The following NAA16 variants were observed in gnomAD, a reference collection of about 807,000 sequenced individuals.
NAA16 encodes the protein NARG1-like protein.
A neutral mutation model predicts 110.3 loss-of-function variants in NAA16; 97 were observed. The observed-to-expected ratio is 0.88, with a 90% confidence interval of 0.75 to 1.04. NAA16 has a LOEUF of 1.04. NAA16 is among the 50% of genes least tolerant of loss of function. The pLI is 0.00. For missense variants in NAA16, 1,017 were observed against 1,005.1 expected, an observed-to-expected ratio of 1.01 and a Z score of -0.16; for synonymous variants, 372 against 330.6, an observed-to-expected ratio of 1.13 and a Z score of -1.36.
At chr13:41,350,443 G>A (rs1273220861) in intron 9 of NAA16, among the ~76,000 whole-genome samples, 8 of 151,538 alleles carry the variant, frequency 5.3e-5, no homozygotes. Context: ...ACAGGCGCCC[G>A]CCACCATACC....
rs1162246909 is a variant in NAA16 at position 41,373,651 on chromosome 13, A to G, written c.2170A>G (p.Asn724Asp). The G allele has an allele frequency of 6.2e-7, 1 of 1,601,110 alleles. No individual in the cohort carries two copies. The highest frequency in any genetic ancestry group is 8.5e-7 in the Non-Finnish European group (1 of 1,174,840). ...RFSKSVSNHS[N>D]LPDIVSKVLS... is the part of the protein sequence containing the mutation. ...TGTTTTTATAGTGTCTAATCATAGT[A>G]ATCTTCCAGACATTGTGAGCAAAGT... is the stretch of plus-strand genomic sequence containing the variant. Residue 724 changes from asparagine to aspartate, a missense_variant, in exon 18 of 20, where the codon AAT (asparagine) becomes GAT (aspartate). By Grantham distance (23) the Asn-to-Asp change is conservative (BLOSUM62 1). Transcript: ENST00000379406.
chr13:41,360,467 C>A (rs536785856), intron 12 of NAA16, among the ~76,000 whole-genome samples: 1 of 152,262 alleles, frequency 6.6e-6, no homozygotes, highest in South Asian at 2.1e-4. Context: ...CCCAGTGACA[C>A]TGGGATGCGT....
intron 14 of NAA16, among the ~76,000 whole-genome samples, chr13:41,368,612 A>C (rs2043253116): frequency 6.6e-6 from 1 of 152,226 alleles, no homozygotes; most frequent in Non-Finnish European, 1.5e-5. Flanking sequence ...AAAAGTATAC[A>C]GCTGGCCCTC....
intron 9 of NAA16, among the ~76,000 whole-genome samples, chr13:41,339,838 T>G (rs985540227): frequency 6.6e-6 from 1 of 152,104 alleles, no homozygotes; most frequent in Non-Finnish European, 1.5e-5. Context: ...GGATTACAGG[T>G]GTGAGCCACT....
intron 9 of NAA16, among the ~76,000 whole-genome samples, chr13:41,343,957 C>T (rs1006273236): frequency 6.6e-6 from 1 of 152,186 alleles, no homozygotes; most frequent in Non-Finnish European, 1.5e-5. Flanking sequence ...TAGGTGTGAA[C>T]CTACACCCAC....
At chr13:41,317,129 A>G (rs568359684) in intron 2 of NAA16, among the ~76,000 whole-genome samples, 199 bp downstream of exon 2, 1 of 152,240 alleles carries the variant, frequency 6.6e-6, no homozygotes, top group African/African-American at 2.4e-5. Context: ...CTTAAGGATA[A>G]GATTAGGATG....
chr13:41,328,152 G>A (rs1593433710), intron 6 of NAA16: 1 of 152,024 alleles, frequency 6.6e-6, no homozygotes, highest in South Asian at 2.1e-4. Context: ...CTCTTAATTT[G>A]TGTGGCTTAG....
At chr13:41,314,270 GATT>G (rs1325288907) in intron 1 of NAA16, among the ~76,000 whole-genome samples, 2 of 152,086 alleles carry the variant, frequency 1.3e-5, no homozygotes, top group African/African-American at 4.8e-5. Flanking sequence ...TTGGCAGTAT[GATT>G]ATTATTATTT....
intron 9 of NAA16, among the ~76,000 whole-genome samples, chr13:41,347,214 CAA>C (rs76747459): frequency 5.8e-4 from 32 of 55,276 alleles, no homozygotes; most frequent in Admixed American, 1.0e-3. Flanking sequence ...GACTCCGTCT[CAA>C]AAAAAAAAAA....
At chr13:41,362,485 C>G (rs1354186167) in intron 13 of NAA16, 3 of 351,490 alleles carry the variant, frequency 8.5e-6, no homozygotes, top group South Asian at 2.4e-5. Context: ...TAAGAGGACA[C>G]ACAGCTGATG....
intron 15 of NAA16, 39 bp from the exon 16 acceptor site, chr13:41,372,164 G>C: frequency 6.9e-7 from 1 of 1,443,876 alleles, no homozygotes; most frequent in South Asian, 1.4e-5. Flanking sequence ...GACTTGTTCT[G>C]ATGTTTTTTA....
intron 12 of NAA16, among the ~76,000 whole-genome samples, chr13:41,359,418 C>G (rs2043065790): frequency 6.6e-6 from 1 of 152,170 alleles, no homozygotes; most frequent in Non-Finnish European, 1.5e-5. Context: ...GCTACACATC[C>G]ATCCCTTTTC....
At chr13:41,335,748 A>G (rs753297311) in intron 8 of NAA16, among the ~76,000 whole-genome samples, 8 of 152,228 alleles carry the variant, frequency 5.3e-5, no homozygotes, top group Non-Finnish European at 1.0e-4. Flanking sequence ...AAATAAAAAT[A>G]ACCATTTTGG....
At chr13:41,340,021 T>C (rs2042493688) in intron 9 of NAA16, among the ~76,000 whole-genome samples, 1 of 152,160 alleles carries the variant, frequency 6.6e-6, no homozygotes, top group Non-Finnish European at 1.5e-5. Flanking sequence ...AACTCTGATA[T>C]CAAGGTGTTC....
chr13:41,341,456 GC>G (rs2042544207), intron 9 of NAA16, among the ~76,000 whole-genome samples: 2 of 152,300 alleles, frequency 1.3e-5, no homozygotes, highest in African/African-American at 4.8e-5. Context: ...GGTGGCTCAT[GC>G]CTGTAATCCA....
At chr13:41,371,177 C>CCAAA (rs1440695155) in intron 15 of NAA16, among the ~76,000 whole-genome samples, 1 of 152,176 alleles carries the variant, frequency 6.6e-6, no homozygotes, top group African/African-American at 2.4e-5. Context: ...ATGAGTGCTT[C>CCAAA]CAAACCATTG....
intron 1 of NAA16, among the ~76,000 whole-genome samples, chr13:41,315,036 T>C (rs542969152): frequency 6.6e-6 from 1 of 152,200 alleles, no homozygotes; most frequent in South Asian, 2.1e-4. Context: ...GTTCTAAGGA[T>C]CCATTATATG....
chr13:41,372,356 G>T (rs751422262), intron 16 of NAA16, 45 bp downstream of exon 16: 3 of 1,542,682 alleles, frequency 1.9e-6, no homozygotes, highest in East Asian at 2.4e-5. Context: ...AATTATATTT[G>T]TGACCATATT....
chr13:41,374,331 T>A (rs558150173), intron 18 of NAA16: 137 of 154,966 alleles, frequency 8.8e-4, no homozygotes, highest in African/African-American at 3.1e-3. Flanking sequence ...AATTTATTCC[T>A]TAGATGTTTT....
Sources: gnomAD v4.1 joint callset for allele counts (sites outside exome capture counted in the v4.1 genomes callset) on GRCh38, gnomAD v4.1.1 for gene constraint, MANE v1.5 for transcripts, NCBI Gene and HGNC (gene_info 2026-07-23, HGNC 2026-07-21) for gene names.